The following CCT8 variants were observed in gnomAD, a reference collection of about 807,000 sequenced individuals.
CCT8 encodes T-complex protein 1 subunit theta.
CCT8 carries 10 observed loss-of-function variants against 65.7 expected under a neutral mutation model. That is an observed-to-expected ratio of 0.15 (90% CI 0.09 to 0.26). The LOEUF (loss-of-function observed/expected upper bound fraction) is 0.26, where lower values mean the gene tolerates loss of function less well. Ranked by LOEUF, CCT8 falls within the 10% of genes least tolerant of loss-of-function variation. The pLI is 1.00. For synonymous variants in CCT8, 199 were observed against 221.8 expected (o/e 0.90, Z 0.92); for missense variants, 568 against 669.1 (o/e 0.85, Z 1.67).
chr21:29,064,707 T>C (rs145764803), intron 7 of CCT8, among the ~76,000 whole-genome samples: 3 of 152,340 alleles, frequency 2.0e-5, no homozygotes, highest in East Asian at 3.9e-4. Context: ...CATTCTCATA[T>C]TCTTTCACTT....
chr21:29,067,457 A>T (rs76441990), intron 4 of CCT8, 99 bp downstream of exon 4: 1 of 902,148 alleles, frequency 1.1e-6, no homozygotes, highest in Non-Finnish European at 1.6e-6. Context: ...TGCTCAGTGC[A>T]TGTTAGCTAC....
intron 1 of CCT8, among the ~76,000 whole-genome samples, chr21:29,071,396 T>C (rs1320294634): frequency 1.3e-5 from 2 of 151,996 alleles, no homozygotes; most frequent in African/African-American, 4.8e-5. Context: ...TTACTCTTTT[T>C]TGAGAGAGAG....
intron 1 of CCT8, 41 bp from the exon 2 acceptor site, chr21:29,070,378 G>T: frequency 7.7e-7 from 1 of 1,301,194 alleles, no homozygotes; most frequent in Non-Finnish European, 1.1e-6. Flanking sequence ...TAATTAGACA[G>T]GACAGTGAAA....
rs569352169 is a variant in CCT8, at chr21:29,068,775, T to G, written c.231+648A>C. On this transcript the variant is annotated intron_variant, in intron 3 of 14. Transcript: ENST00000286788. ...CCACCGCGTCCAACCAAAAATATAT[T>G]ATTTAAGAGGTTAGAAAAATGTTGA... Among the ~76,000 whole-genome samples the G allele has an allele frequency of 3.9e-5, 6 of 152,322 alleles. 1 individual carries two copies. In the South Asian group the frequency reaches 1.2e-3, roughly 32 times the overall value.
chr21:29,066,882 T>A lies in CCT8; in HGVS notation c.562+9A>T. On this transcript the variant is annotated intron_variant, in intron 5 of 14. Transcript: ENST00000286788. Reference sequence around the variant, plus strand: ...TTTTGGATCTTTTCATTTACTGATATTTACTTACCGCATGCCTGAGCAATA... The same window carrying A: ...TTTTGGATCTTTTCATTTACTGATAATTACTTACCGCATGCCTGAGCAATA... 1.3e-6 allele frequency: 2 copies of A among 1,598,496 alleles called. No individual in the cohort carries two copies. The highest frequency in any genetic ancestry group is 1.7e-6 in the Non-Finnish European group (2 of 1,170,432).
chr21:29,067,717 GGTAATATCAA>G lies in CCT8; in HGVS notation c.232-22_232-13del. ...GCAGGATGCTGTACCTAGTAGAAAA[GGTAATATCAA>G]GTTAAACATCTGATCCTTAAAGCAA... On this transcript the variant is annotated splice_polypyrimidine_tract_variant and intron_variant, in intron 3 of 14. Coordinates refer to ENST00000286788, the MANE Select transcript of CCT8 (RefSeq NM_006585.4). The G allele has an allele frequency of 7.5e-7, 1 of 1,338,366 alleles. No individual in the cohort carries two copies. The highest frequency in any genetic ancestry group is 9.7e-7 in the Non-Finnish European group (1 of 1,035,582). The allele number at this position is 1,338,366 out of a possible 1,614,324, so 82.9% of individuals were successfully genotyped here.
chr21:29,057,411 C>G (rs1297938866), intron 14 of CCT8, among the ~76,000 whole-genome samples: 1 of 151,196 alleles, frequency 6.6e-6, no homozygotes, highest in Non-Finnish European at 1.5e-5. Flanking sequence ...ATGATCCACC[C>G]GCCTCAGCCT....
intron 11 of CCT8, 116 bp downstream of exon 11, chr21:29,062,012 A>T: frequency 1.4e-6 from 1 of 709,730 alleles, no homozygotes; most frequent in African/African-American, 1.8e-5. Flanking sequence ...GCTTCATTTC[A>T]TATAAACCAC....
chr21:29,067,272 G>A (rs780199025), intron 4 of CCT8, among the ~76,000 whole-genome samples: 18 of 152,068 alleles, frequency 1.2e-4, no homozygotes, highest in Non-Finnish European at 2.5e-4. Flanking sequence ...TAACTCACTA[G>A]CTATGAGATC....
intron 11 of CCT8, among the ~76,000 whole-genome samples, chr21:29,061,807 A>T (rs1345347126): frequency 6.6e-6 from 1 of 152,244 alleles, no homozygotes; most frequent in African/African-American, 2.4e-5. Context: ...ATAGTACCGT[A>T]TCATTTTTGC....
At position 29,068,302 on chromosome 21, in the gene CCT8, TTA is replaced by T. The variant is rs567555797; in HGVS notation, c.232-599_232-598del. 8.6e-3 allele frequency among the ~76,000 whole-genome samples: 1,313 copies of T among 152,222 alleles called. 18 individuals carry two copies. The highest frequency in any genetic ancestry group is 0.03 in the African/African-American group (1,258 of 41,530). Reference sequence around the variant, plus strand: ...ACTATAAAAAGTCAGCCCTGTGATTTTATTATTTTGACGGTATCACCACTGTA... The same window carrying T: ...ACTATAAAAAGTCAGCCCTGTGATTTTTATTTTGACGGTATCACCACTGTA... On this transcript the variant is annotated intron_variant, in intron 3 of 14. Transcript: ENST00000286788.
intron 7 of CCT8, among the ~76,000 whole-genome samples, chr21:29,064,358 G>C (rs1319474457): frequency 3.5e-5 from 5 of 143,292 alleles, no homozygotes; most frequent in Non-Finnish European, 6.0e-5. Context: ...GAGGTTGCAG[G>C]GAGCCAAGAT....
chr21:29,064,375 A>G (rs1240570170), intron 7 of CCT8, among the ~76,000 whole-genome samples: 1 of 133,224 alleles, frequency 7.5e-6, no homozygotes. Context: ...AGATTGTACC[A>G]CTGGACTCAA....
chr21:29,068,370 T>G (rs534044087), intron 3 of CCT8, among the ~76,000 whole-genome samples: 40 of 152,292 alleles, frequency 2.6e-4, no homozygotes, highest in African/African-American at 9.4e-4. Flanking sequence ...AACATTAACA[T>G]TCACAGTGAC....
chr21:29,064,994 A>G lies in CCT8; in HGVS notation c.736T>C (p.Phe246Leu), dbSNP rs182987613. 2 of 1,613,946 alleles carry G rather than the reference A, an allele frequency of 1.2e-6. No homozygotes were observed. The highest frequency in any genetic ancestry group is 1.7e-6 in the Non-Finnish European group (2 of 1,179,920). ...TTAGTTTCTGTTATCATGCCATCAA[A>G]AGGACAAGAGTACACTGCTATTTTT... is the stretch of plus-strand genomic sequence containing the variant. ...DAKIAVYSCPFDGMITETKGT... is the reference protein window; with the variant it reads ...DAKIAVYSCPLDGMITETKGT... The change falls in exon 7 of 15, where the codon TTT (phenylalanine) becomes CTT (leucine). Residue 246 changes from phenylalanine to leucine, a missense_variant. Phe to Leu is a conservative substitution (Grantham distance 22, BLOSUM62 0). Coordinates refer to ENST00000286788, the MANE Select transcript of CCT8 (RefSeq NM_006585.4).
At chr21:29,059,348 A>T (rs546846242) in intron 14 of CCT8, 3 of 152,282 alleles carry the variant, frequency 2.0e-5, no homozygotes, top group Non-Finnish European at 4.4e-5. Flanking sequence ...AGACTGGGGG[A>T]ACAGATCAAC....
At chr21:29,072,467 C>A (rs2085692459) in intron 1 of CCT8, among the ~76,000 whole-genome samples, 1 of 152,112 alleles carries the variant, frequency 6.6e-6, no homozygotes, top group South Asian at 2.1e-4. Context: ...GTGAAAAAAA[C>A]CCAAATTGGA....
intron 10 of CCT8, 25 bp from the exon 11 acceptor site, chr21:29,062,268 G>A (rs1016002276): frequency 1.2e-6 from 2 of 1,604,782 alleles, no homozygotes; most frequent in Non-Finnish European, 1.7e-6. Context: ...AATATATTTG[G>A]TGATTAAATA....
intron 2 of CCT8, among the ~76,000 whole-genome samples, chr21:29,069,785 ATGAC>A (rs1441748497): frequency 6.6e-6 from 1 of 152,236 alleles, no homozygotes; most frequent in Admixed American, 6.5e-5. Context: ...TGTTTGCAAC[ATGAC>A]TGTCATGCAG....
Sources: allele counts gnomAD v4.1 joint callset (sites outside exome capture counted in the v4.1 genomes callset), GRCh38; gene constraint gnomAD v4.1.1; transcripts MANE v1.5; gene names NCBI Gene and HGNC (gene_info 2026-07-23, HGNC 2026-07-21).